Variants in PREX1 observed in about 807,000 individuals in gnomAD.
The protein encoded by PREX1 is phosphatidylinositol 3,4,5-trisphosphate-dependent Rac exchanger 1 protein.
A neutral mutation model predicts 198.3 loss-of-function variants in PREX1; 41 were observed. The observed-to-expected ratio is 0.21, with a 90% CI of 0.16 to 0.27. The LOEUF (loss-of-function observed/expected upper bound fraction) is 0.27, where lower values mean the gene tolerates loss of function less well. Among genes scored for constraint, PREX1 ranks in the 10% least tolerant of loss-of-function variants. The pLI is 1.00. For synonymous variants in PREX1, 843 were observed against 887.2 expected, an observed-to-expected ratio of 0.95 and a Z score of 0.89; for missense variants, 1,620 against 2,200.7, an observed-to-expected ratio of 0.74 and a Z score of 5.28.
intron 10 of PREX1, among the ~76,000 whole-genome samples, chr20:48,683,620 G>A (rs1455403555): frequency 6.6e-6 from 1 of 152,124 alleles, no homozygotes; most frequent in Non-Finnish European, 1.5e-5. Flanking sequence ...AACCAGCCGG[G>A]GCCTGCCGTG....
intron 4 of PREX1, among the ~76,000 whole-genome samples, chr20:48,734,314 C>T (rs141002038): frequency 6.6e-6 from 1 of 152,330 alleles, no homozygotes; most frequent in East Asian, 1.9e-4. Flanking sequence ...TTTCATGCTA[C>T]AATGGCATGA....
the PREX1 span, among the ~76,000 whole-genome samples, chr20:48,865,073 C>T: frequency 6.6e-6 from 1 of 152,016 alleles, no homozygotes; most frequent in Non-Finnish European, 1.5e-5. Flanking sequence ...CCTGTGGGAT[C>T]ATTCAAATCA....
chr20:48,795,511 G>A (rs1336887902), intron 1 of PREX1, among the ~76,000 whole-genome samples: 1 of 151,492 alleles, frequency 6.6e-6, no homozygotes, highest in Non-Finnish European at 1.5e-5. Flanking sequence ...GTAGAGCCAG[G>A]GACGCTCCTA....
rs536743016 is a variant in PREX1, at chr20:48,716,782, G to T, written c.622-8361C>A. On this transcript the variant is annotated intron_variant, in intron 5 of 39. Transcript: ENST00000371941. ...TCAGGCTGGGACTTCCTACGCAAACGCTGGGAAAGGCATGCTCTCCTCTCC... is the reference window on the plus strand; with the variant it reads ...TCAGGCTGGGACTTCCTACGCAAACTCTGGGAAAGGCATGCTCTCCTCTCC... Among the ~76,000 whole-genome samples, 4 of 152,292 alleles carry T rather than the reference G, an allele frequency of 2.6e-5. No individual in the cohort carries two copies. In the South Asian group the frequency reaches 8.3e-4, roughly 32 times the overall value.
At position 48,751,358 on chromosome 20, in the gene PREX1, T is replaced by C. The variant is rs1298179998; in HGVS notation, c.220-3478A>G. 5.3e-5 allele frequency among the ~76,000 whole-genome samples: 8 copies of C among 152,302 alleles called. 1 individual carries two copies. The South Asian group carries it at 1.5e-3, about 28-fold the overall frequency. On this transcript the variant is annotated intron_variant, in intron 1 of 39. Coordinates refer to ENST00000371941, the MANE Select transcript of PREX1 (RefSeq NM_020820.4). Reference sequence around the variant, plus strand: ...GGGCAGGAAGCTGGGAGTGCCGCACTCCGCTGGCCTAGATTGGGGCTTCCT... The same window carrying C: ...GGGCAGGAAGCTGGGAGTGCCGCACCCCGCTGGCCTAGATTGGGGCTTCCT...
intron 26 of PREX1, 143 bp from the exon 27 acceptor site, chr20:48,644,640 G>T (rs765975313): frequency 1.4e-6 from 1 of 692,558 alleles, no homozygotes; most frequent in Non-Finnish European, 2.3e-6. Flanking sequence ...ACCGAGCACC[G>T]GTCCTGGGTC....
chr20:48,655,711 A>G (rs969359983), intron 18 of PREX1, among the ~76,000 whole-genome samples: 1 of 152,128 alleles, frequency 6.6e-6, no homozygotes, highest in African/African-American at 2.4e-5. Flanking sequence ...CCAACCAGTC[A>G]ATAGTTTAAC....
At chr20:48,863,992 G>A in the PREX1 span, among the ~76,000 whole-genome samples, 4 of 152,020 alleles carry the variant, frequency 2.6e-5, no homozygotes, top group East Asian at 3.9e-4. Flanking sequence ...TTGTCTGGAC[G>A]TGCCACAGTT....
chr20:48,763,183 A>G (rs1167090687), intron 1 of PREX1, among the ~76,000 whole-genome samples: 1 of 152,244 alleles, frequency 6.6e-6, no homozygotes, highest in Admixed American at 6.5e-5. Flanking sequence ...TACCTGCATC[A>G]CGGGGGCATG....
rs2089282808 is a variant in PREX1, at chr20:48,627,582, G to T, written c.4903C>A (p.Arg1635=). 6.2e-7 allele frequency: 1 copy of T among 1,613,654 alleles called. No individual in the cohort carries two copies. Among genetic ancestry groups the T allele is most frequent in the Non-Finnish European group, 8.5e-7 (1 of 1,179,926 alleles). The change falls in exon 39 of 40, where the codon CGA becomes AGA. Residue 1635 remains arginine (R), a synonymous_variant. Transcript: ENST00000371941. The part of the protein sequence containing the change: ...PRVEILAKNL[R]VKDQMPQGAP... ...CCCTGGGGCATCTGGTCCTTGACTCGCAGGTTTTTGGCCAGAATCTCCACC... is the reference window on the plus strand; with the variant it reads ...CCCTGGGGCATCTGGTCCTTGACTCTCAGGTTTTTGGCCAGAATCTCCACC...
intron 1 of PREX1, among the ~76,000 whole-genome samples, chr20:48,749,792 C>T (rs893122395): frequency 6.6e-6 from 1 of 152,152 alleles, no homozygotes; most frequent in Non-Finnish European, 1.5e-5. Context: ...TGTTCCATTA[C>T]TGGAATGCTA....
chr20:48,700,103 C>T (rs909429515), intron 7 of PREX1, among the ~76,000 whole-genome samples: 8 of 152,238 alleles, frequency 5.3e-5, no homozygotes, highest in Non-Finnish European at 1.2e-4. Flanking sequence ...CATCTACTTA[C>T]TCCTAGACTC....
intron 1 of PREX1, among the ~76,000 whole-genome samples, chr20:48,771,365 G>A (rs1274305525): frequency 6.6e-6 from 1 of 151,678 alleles, no homozygotes; most frequent in African/African-American, 2.4e-5. Context: ...TTTTTCAGCA[G>A]TGGGATCCCC....
At position 48,691,493 on chromosome 20, in the gene PREX1, A is replaced by G. The variant is rs920018917; in HGVS notation, c.1037-397T>C. Among the ~76,000 whole-genome samples the G allele has an allele frequency of 1.3e-5, 2 of 152,168 alleles. No homozygotes were observed. The highest frequency in any genetic ancestry group is 2.9e-5 in the Non-Finnish European group (2 of 68,022). On this transcript the variant is annotated intron_variant, in intron 8 of 39. Transcript: ENST00000371941. The surrounding 1 kb of genome is among the most constrained non-coding windows in gnomAD (Gnocchi z 5.0). Reference sequence around the variant, plus strand: ...CAAGTCAAACGTGGGACCCTTACCCAGTGCTGGCTGGGATGGGACCTGGAA... The same window carrying G: ...CAAGTCAAACGTGGGACCCTTACCCGGTGCTGGCTGGGATGGGACCTGGAA...
At chr20:48,841,781 T>C in the PREX1 span, among the ~76,000 whole-genome samples, 1 of 152,214 alleles carries the variant, frequency 6.6e-6, no homozygotes, top group Non-Finnish European at 1.5e-5. Context: ...GCATGAAGAC[T>C]ACCTTCTTCA....
the PREX1 span, among the ~76,000 whole-genome samples, chr20:48,876,921 G>A: frequency 6.6e-6 from 1 of 152,098 alleles, no homozygotes; most frequent in Non-Finnish European, 1.5e-5. Context: ...ACCTCATTCA[G>A]GATTCTTTCA....
chr20:48,870,034 A>G, the PREX1 span, among the ~76,000 whole-genome samples: 1 of 152,152 alleles, frequency 6.6e-6, no homozygotes, highest in Non-Finnish European at 1.5e-5. Flanking sequence ...AAAATAAACA[A>G]TGCTGCCTGA....
At chr20:48,852,032 T>C in the PREX1 span, among the ~76,000 whole-genome samples, 2 of 152,096 alleles carry the variant, frequency 1.3e-5, no homozygotes, top group Non-Finnish European at 2.9e-5. Flanking sequence ...AAACGTGTTT[T>C]GCTGGGTCTG....
In PREX1 at chr20:48,688,705, T is replaced by C. The variant is rs753210715; in HGVS notation, c.1286A>G (p.Lys429Arg). Reference sequence around the variant, plus strand: ...AGTGCTCAGCTTTCTCCGGCGGTCCTTGATGAGGTTCACCTTCTTGTTCAT... The same window carrying C: ...AGTGCTCAGCTTTCTCCGGCGGTCCCTGATGAGGTTCACCTTCTTGTTCAT... ...MMMNKKVNLI[K>R]DRRRKLSTVP... The change falls in exon 10 of 40, where the codon AAG (lysine) becomes AGG (arginine). Residue 429 changes from lysine to arginine, a missense_variant. Around this residue, in one of 7 missense-constraint regions of PREX1, gnomAD observed 488 missense variants for 802.5 expected, o/e 0.61. Coordinates refer to ENST00000371941, the MANE Select transcript of PREX1 (RefSeq NM_020820.4). 8 of 1,614,186 alleles carry C rather than the reference T, an allele frequency of 5.0e-6. No homozygotes were observed. The highest frequency in any genetic ancestry group is 6.8e-6 in the Non-Finnish European group (8 of 1,180,028).
Sources: allele counts gnomAD v4.1 joint callset (sites outside exome capture counted in the v4.1 genomes callset), GRCh38; gene constraint gnomAD v4.1.1; regional missense constraint gnomAD v4.1.1; non-coding constraint Gnocchi (gnomAD v3.1); transcripts MANE v1.5; gene names NCBI Gene and HGNC (gene_info 2026-07-23, HGNC 2026-07-21).